The following TAPT1 variants were observed in gnomAD, a reference collection of about 807,000 sequenced individuals.
The protein encoded by TAPT1 is transmembrane anterior posterior transformation protein 1 homolog.
Under a neutral mutation model 65.6 loss-of-function variants are expected in TAPT1, and 28 were observed. That is an observed-to-expected ratio of 0.43 (90% CI 0.32 to 0.59). TAPT1 has a LOEUF of 0.59. Among genes scored for constraint, TAPT1 ranks in the 20% least tolerant of loss-of-function variants. TAPT1 has a pLI of 0.09. For synonymous variants in TAPT1, 278 were observed against 245.2 expected, an observed-to-expected ratio of 1.13 and a Z score of -1.25; for missense variants, 563 against 679.9, an observed-to-expected ratio of 0.83 and a Z score of 1.91.
chr4:16,180,865 T>C (rs1270561964), intron 7 of TAPT1, among the ~76,000 whole-genome samples: 1 of 152,120 alleles, frequency 6.6e-6, no homozygotes, highest in Non-Finnish European at 1.5e-5. Flanking sequence ...TGGGCACTAC[T>C]CACTTCCTAT....
chr4:16,174,475 A>G, intron 10 of TAPT1, 195 bp downstream of exon 10: 3 of 668,794 alleles, frequency 4.5e-6, no homozygotes, highest in Non-Finnish European at 7.6e-6. Context: ...TGCTGCAAAG[A>G]GCATATACTA....
In TAPT1 at chr4:16,220,972, A is replaced by T. The variant is rs558515975; in HGVS notation, c.199+5287T>A. On this transcript the variant is annotated intron_variant, in intron 1 of 13. Coordinates refer to ENST00000405303, the MANE Select transcript of TAPT1 (RefSeq NM_153365.3). ...TGGTCTTGAACTCCTAGGCTCAAGC[A>T]ATCCACCCGCCTTGGCCTCTCCAAG... Among the ~76,000 whole-genome samples the T allele has an allele frequency of 1.4e-4, 21 of 152,076 alleles. No homozygotes were observed. In the Middle Eastern group the frequency reaches 0.014, roughly 99 times the overall value.
At chr4:16,212,782 C>A (rs1417752693) in intron 2 of TAPT1, among the ~76,000 whole-genome samples, 1 of 152,220 alleles carries the variant, frequency 6.6e-6, no homozygotes, top group East Asian at 1.9e-4. Flanking sequence ...ATACAGAACT[C>A]CCTAAAACTT....
At chr4:16,178,307 T>C (rs535422974) in intron 8 of TAPT1, among the ~76,000 whole-genome samples, 2 of 152,336 alleles carry the variant, frequency 1.3e-5, no homozygotes, top group Non-Finnish European at 2.9e-5. Flanking sequence ...TGAAAAAAAC[T>C]TCTGAAAATG....
chr4:16,190,517 T>G (rs898789006), intron 4 of TAPT1: 19 of 152,054 alleles, frequency 1.2e-4, no homozygotes, highest in African/African-American at 4.6e-4. Flanking sequence ...TTTTGTATTT[T>G]TAGTAGAGAC....
At chr4:16,197,369 T>C (rs1749770334) in intron 3 of TAPT1, among the ~76,000 whole-genome samples, 1 of 152,252 alleles carries the variant, frequency 6.6e-6, no homozygotes, top group South Asian at 2.1e-4. Context: ...CTTTCTAAAA[T>C]GTTTCAGTAA....
intron 12 of TAPT1, among the ~76,000 whole-genome samples, chr4:16,170,088 C>CA (rs924125668): frequency 6.6e-5 from 10 of 152,160 alleles, no homozygotes; most frequent in African/African-American, 2.4e-4. Flanking sequence ...GTAACAATGG[C>CA]AAAATCATCA....
At chr4:16,172,997 T>A (rs1193575930) in intron 11 of TAPT1, among the ~76,000 whole-genome samples, 1 of 152,038 alleles carries the variant, frequency 6.6e-6, no homozygotes, top group Admixed American at 6.6e-5. Context: ...CTAATTTTTG[T>A]ATTTTTAGTA....
At chr4:16,197,059 G>A (rs938754638) in intron 3 of TAPT1, among the ~76,000 whole-genome samples, 6 of 152,102 alleles carry the variant, frequency 3.9e-5, no homozygotes, top group Admixed American at 2.6e-4. Context: ...GAACTATTTC[G>A]AAAGAGGTAA....
Position 16,216,552 on chromosome 4 carries a change from GCA to G in TAPT1, c.200-2656_200-2655del, listed in dbSNP as rs137968143. Among the ~76,000 whole-genome samples, 636 of 152,230 alleles carry G rather than the reference GCA, an allele frequency of 4.2e-3. 2 individuals carry two copies. The highest frequency in any genetic ancestry group is 0.014 in the African/African-American group (564 of 41,538). ...AACCAGTATCTTGCCCACTGATTCA[GCA>G]CCTCTCCTGGAGTCCTGACTTCAGT... On this transcript the variant is annotated intron_variant, in intron 1 of 13. Coordinates refer to ENST00000405303, the MANE Select transcript of TAPT1 (RefSeq NM_153365.3).
At chr4:16,211,250 A>C (rs1750639198) in intron 2 of TAPT1, among the ~76,000 whole-genome samples, 1 of 151,960 alleles carries the variant, frequency 6.6e-6, no homozygotes, top group Non-Finnish European at 1.5e-5. Flanking sequence ...TGAGTAAGAT[A>C]TTATATATTA....
chr4:16,167,393 T>C (rs565043601), intron 12 of TAPT1, among the ~76,000 whole-genome samples: 22 of 152,322 alleles, frequency 1.4e-4, no homozygotes, highest in African/African-American at 4.8e-4. Context: ...ATTTAGCACA[T>C]GCAGTTGAAC....
At chr4:16,167,302 C>T (rs1224389558) in intron 12 of TAPT1, among the ~76,000 whole-genome samples, 3 of 151,962 alleles carry the variant, frequency 2.0e-5, no homozygotes, top group Non-Finnish European at 4.4e-5. Flanking sequence ...CCTTAGTTCT[C>T]TTGTAAGAAA....
rs192212876 is a variant in TAPT1, at chr4:16,160,876, C to A, written c.*2432G>T. On this transcript the variant is annotated 3_prime_UTR_variant, in exon 14 of 14. Transcript: ENST00000405303. ...CATGAATATAAACTCTAAATACTGG[C>A]CAAAGTCCACAAGAAAATCTGGACA... The A allele has an allele frequency of 2.2e-3, 336 of 152,692 alleles. 5 individuals carry two copies. Among genetic ancestry groups the A allele is most frequent in the Non-Finnish European group, 6.9e-4 (47 of 68,024 alleles). 9.5% of individuals were successfully genotyped at this position (152,692 alleles called of 1,614,324 possible). A position where few individuals can be genotyped will look rare whatever the true frequency, so the allele number is the denominator to read the frequency against.
chr4:16,178,639 T>C (rs931196699), intron 8 of TAPT1, among the ~76,000 whole-genome samples: 1 of 152,204 alleles, frequency 6.6e-6, no homozygotes, highest in African/African-American at 2.4e-5. Flanking sequence ...TAGTATTTTT[T>C]ACATTGCCAC....
intron 3 of TAPT1, among the ~76,000 whole-genome samples, chr4:16,194,860 T>TCCTCCTCCTCCTCCTCCTC (rs1560172275): frequency 1.1e-4 from 1 of 9,332 alleles, no homozygotes; most frequent in African/African-American, 3.2e-4. Flanking sequence ...TTGATTTCTG[T>TCCTCCTCCTCCTCCTCCTC]CTTCTTCTTC....
intron 12 of TAPT1, among the ~76,000 whole-genome samples, chr4:16,167,733 TTTG>T (rs1747734033): frequency 1.3e-5 from 2 of 152,262 alleles, no homozygotes; most frequent in East Asian, 3.9e-4. Context: ...GGCAAGCAAT[TTTG>T]TTATTATTGT....
chr4:16,165,544 T>C lies in TAPT1; in HGVS notation c.1474+1089A>G, dbSNP rs183093660. Among the ~76,000 whole-genome samples, 84 of 143,268 alleles carry C rather than the reference T, an allele frequency of 5.9e-4. No homozygotes were observed. The East Asian group carries it at 0.013, about 23-fold the overall frequency. 94.0% of individuals were successfully genotyped at this position (143,268 alleles called of 152,430 possible). A position where few individuals can be genotyped will look rare whatever the true frequency, so the allele number is the denominator to read the frequency against. On this transcript the variant is annotated intron_variant, in intron 13 of 13. Coordinates refer to ENST00000405303, the MANE Select transcript of TAPT1 (RefSeq NM_153365.3). ...GAGATCACGCCACTGCACTCCAGCC[T>C]GGGCGACGGAGCAAAACTCCGTCTC...
At chr4:16,165,328 T>A (rs990391976) in intron 13 of TAPT1, among the ~76,000 whole-genome samples, 6 of 152,108 alleles carry the variant, frequency 3.9e-5, no homozygotes, top group African/African-American at 1.4e-4. Flanking sequence ...CCCAGCACTT[T>A]GGGAGGCCGA....
Sources: gnomAD v4.1 joint callset for allele counts (sites outside exome capture counted in the v4.1 genomes callset) on GRCh38, gnomAD v4.1.1 for gene constraint, MANE v1.5 for transcripts, NCBI Gene and HGNC (gene_info 2026-07-23, HGNC 2026-07-21) for gene names.